The following POGLUT3 variants were observed in gnomAD, a reference collection of about 807,000 sequenced individuals.
POGLUT3 encodes the protein protein O-glucosyltransferase 3, also known as KDEL (Lys-Asp-Glu-Leu) containing 2.
POGLUT3 carries 48 observed loss-of-function variants against 54.3 expected under a neutral mutation model. That is an observed-to-expected ratio of 0.88 (90% CI 0.70 to 1.12). POGLUT3 has a LOEUF of 1.12. Ranked by LOEUF, POGLUT3 falls within the 50% of genes most tolerant of loss-of-function variation. POGLUT3 has a pLI of 0.00. For synonymous variants in POGLUT3, 218 were observed against 237.4 expected (o/e 0.92, Z 0.75); for missense variants, 629 against 618.7 (o/e 1.02, Z -0.18).
At position 108,481,393 on chromosome 11, in the gene POGLUT3, ATAAAAAAAT is replaced by A; in HGVS notation, c.902-26_902-18del. The stretch of plus-strand genomic sequence containing the variant: ...AGGAAGGCCCTACAAGTTTGAAGCC[ATAAAAAAAT>A]TAGGATTATGAATTTGACATTTTAA... On this transcript the variant is annotated intron_variant, in intron 4 of 7. Coordinates refer to ENST00000323468, the MANE Select transcript of POGLUT3 (RefSeq NM_153705.5). 6.5e-7 allele frequency: 1 copy of A among 1,543,180 alleles called. No individual in the cohort carries two copies. Among genetic ancestry groups the A allele is most frequent in the Non-Finnish European group, 8.7e-7 (1 of 1,152,608 alleles).
chr11:108,478,872 A>C (rs1158886099), intron 6 of POGLUT3, among the ~76,000 whole-genome samples: 1 of 152,238 alleles, frequency 6.6e-6, no homozygotes, highest in African/African-American at 2.4e-5. Flanking sequence ...TTTATAGGAA[A>C]CGTGATGCTT....
chr11:108,481,239 G>A lies in POGLUT3; in HGVS notation c.1039C>T (p.Gln347Ter), dbSNP rs2093591721. Residue 347 changes from glutamine to a stop codon, truncating the protein, a stop_gained, in exon 5 of 8, where the codon CAA becomes TAA. Transcript: ENST00000323468. LOFTEE classifies it high-confidence loss of function. ...DAGITGYFFF[Q>*]EKEKELGKAK... is the part of the protein sequence containing the mutation. The stretch of plus-strand genomic sequence containing the variant: ...TTTCCAAGCTCCTTTTCTTTCTCTT[G>A]GAAAAAGAAATATCCTGTAATTCCT... 1.9e-6 allele frequency: 3 copies of A among 1,610,518 alleles called. No homozygotes were observed. Among genetic ancestry groups the A allele is most frequent in the East Asian group, 2.2e-5 (1 of 44,660 alleles).
intron 2 of POGLUT3, among the ~76,000 whole-genome samples, chr11:108,489,922 G>GT (rs1272430187): frequency 6.6e-6 from 1 of 152,148 alleles, no homozygotes; most frequent in Non-Finnish European, 1.5e-5. Context: ...GTCTCACTCT[G>GT]TCCCCCAGGC....
In POGLUT3 at chr11:108,482,156, T is replaced by C. The variant is rs370832881; in HGVS notation, c.751A>G (p.Asn251Asp). The change falls in exon 4 of 8, where the codon AAT (asparagine) becomes GAT (aspartate). Residue 251 changes from asparagine to aspartate, a missense_variant. Physicochemically the swap from Asn to Asp is conservative, Grantham distance 23. Transcript: ENST00000323468. ...ATAGGTATGGGGCTAGGGGTTCCAT[T>C]GACTTTTCGATGCTCCAAGGGCCAA... Reference protein sequence around the residue: ...GDWPLEHRKVNGTPSPIPIIS... With the variant: ...GDWPLEHRKVDGTPSPIPIIS... 2 of 1,614,146 alleles carry C rather than the reference T, an allele frequency of 1.2e-6. No individual in the cohort carries two copies. The highest frequency in any genetic ancestry group is 1.7e-5 in the Admixed American group (1 of 60,018).
At chr11:108,477,430 AG>A (rs1278283304) in intron 7 of POGLUT3, among the ~76,000 whole-genome samples, 176 bp downstream of exon 7, 1 of 152,142 alleles carries the variant, frequency 6.6e-6, no homozygotes, top group Non-Finnish European at 1.5e-5. Context: ...AACAAAAAAA[AG>A]GGGGCCACCA....
At chr11:108,480,665 G>A (rs546605082) in intron 5 of POGLUT3, among the ~76,000 whole-genome samples, 7 of 152,020 alleles carry the variant, frequency 4.6e-5, no homozygotes, top group Admixed American at 2.6e-4. Context: ...TCTGGGCCTC[G>A]TGATAATGCT....
chr11:108,481,367 C>A lies in POGLUT3; in HGVS notation c.911G>T (p.Trp304Leu). The A allele has an allele frequency of 6.4e-7, 1 of 1,570,854 alleles. No homozygotes were observed. Among genetic ancestry groups the A allele is most frequent in the Admixed American group, 2.1e-5 (1 of 47,182 alleles). ...LSIQGNTGPS[W>L]INKTERAFFR... ...GAAAGCTCTCTCTGTTTTATTGATCCAGGAAGGCCCTACAAGTTTGAAGCC... is the reference window on the plus strand; with the variant it reads ...GAAAGCTCTCTCTGTTTTATTGATCAAGGAAGGCCCTACAAGTTTGAAGCC... The change falls in exon 5 of 8, where the codon TGG (tryptophan) becomes TTG (leucine). Residue 304 changes from tryptophan to leucine, a missense_variant. Physicochemically the swap from Trp to Leu is moderately conservative, Grantham distance 61 (BLOSUM62 -2). Transcript: ENST00000323468.
At position 108,497,355 on chromosome 11, in the gene POGLUT3, C is replaced by T. The variant is rs570510098; in HGVS notation, c.202+810G>A. On this transcript the variant is annotated intron_variant, in intron 1 of 7. Transcript: ENST00000323468. The stretch of plus-strand genomic sequence containing the variant: ...GGGACACACTTCTGGCAGCTATGTT[C>T]CCAGCTGGACTAGCAGGGGCAGAGG... Among the ~76,000 whole-genome samples, 16 of 152,338 alleles carry T rather than the reference C, an allele frequency of 1.1e-4. No individual in the cohort carries two copies. In the South Asian group the frequency reaches 3.1e-3, roughly 30 times the overall value.
chr11:108,496,531 C>T (rs1470649218), intron 1 of POGLUT3, among the ~76,000 whole-genome samples: 1 of 152,198 alleles, frequency 6.6e-6, no homozygotes, highest in East Asian at 1.9e-4. Context: ...CTATCTGGCC[C>T]TTTAAAGAAA....
chr11:108,481,829 G>C (rs770502533), intron 4 of POGLUT3, among the ~76,000 whole-genome samples, 177 bp downstream of exon 4: 1 of 152,114 alleles, frequency 6.6e-6, no homozygotes, highest in East Asian at 1.9e-4. Context: ...TCTTACAAAG[G>C]GTGACCAGAA....
intron 5 of POGLUT3, among the ~76,000 whole-genome samples, chr11:108,480,341 G>A (rs2093590073): frequency 1.3e-5 from 2 of 152,196 alleles, no homozygotes; most frequent in South Asian, 4.1e-4. Flanking sequence ...TAAGCTGTCT[G>A]CATATTTGTT....
At chr11:108,490,423 A>T (rs563969737) in intron 2 of POGLUT3, among the ~76,000 whole-genome samples, 2 of 151,998 alleles carry the variant, frequency 1.3e-5, no homozygotes, top group Non-Finnish European at 2.9e-5. Flanking sequence ...CTGGTCTTGA[A>T]TGCCTAAGCT....
chr11:108,492,166 A>G (rs1375729773), intron 1 of POGLUT3, among the ~76,000 whole-genome samples: 1 of 152,174 alleles, frequency 6.6e-6, no homozygotes, highest in African/African-American at 2.4e-5. Flanking sequence ...TCAGCTTGAA[A>G]TGAAACAGTT....
intron 6 of POGLUT3, among the ~76,000 whole-genome samples, chr11:108,478,419 C>T (rs1010730966): frequency 3.9e-5 from 6 of 152,172 alleles, no homozygotes; most frequent in African/African-American, 1.4e-4. Flanking sequence ...TATTTCCTCT[C>T]TGCATAACAG....
intron 2 of POGLUT3, chr11:108,486,663 C>T: frequency 2.0e-6 from 1 of 495,252 alleles, no homozygotes; most frequent in Non-Finnish European, 3.6e-6. Flanking sequence ...CCCAATCTAA[C>T]CTACTCTCGG....
chr11:108,485,434 C>G (rs1371324979), intron 3 of POGLUT3, among the ~76,000 whole-genome samples: 1 of 152,030 alleles, frequency 6.6e-6, no homozygotes, highest in Non-Finnish European at 1.5e-5. Flanking sequence ...TGAGACCAGC[C>G]TGCTCAACAC....
chr11:108,489,202 A>T (rs1213549257), intron 2 of POGLUT3, among the ~76,000 whole-genome samples: 1 of 152,200 alleles, frequency 6.6e-6, no homozygotes, highest in African/African-American at 2.4e-5. Flanking sequence ...AAAAGAATTT[A>T]AAAAATGAAA....
chr11:108,475,037 G>A (rs978591137), intron 7 of POGLUT3, 85 bp from the exon 8 acceptor site: 4 of 1,411,402 alleles, frequency 2.8e-6, no homozygotes, highest in South Asian at 2.6e-5. Context: ...CCGCAGTCAC[G>A]CCATCTTTTC....
intron 4 of POGLUT3, among the ~76,000 whole-genome samples, chr11:108,481,685 T>C (rs1202649584): frequency 1.3e-5 from 2 of 151,580 alleles, no homozygotes; most frequent in Non-Finnish European, 2.9e-5. Flanking sequence ...TGTTGTATAA[T>C]ACTAGGAAAT....
Sources: allele counts gnomAD v4.1 joint callset (sites outside exome capture counted in the v4.1 genomes callset), GRCh38; gene constraint gnomAD v4.1.1; transcripts MANE v1.5; gene names NCBI Gene and HGNC (gene_info 2026-07-23, HGNC 2026-07-21).